Variants in NRG1 observed in about 807,000 individuals in gnomAD.
NRG1 encodes neuregulin 1, also known as pro-neuregulin-1, membrane-bound isoform.
Under a neutral mutation model 63.8 loss-of-function variants are expected in NRG1, and 18 were observed. The ratio of observed to expected loss-of-function variants is 0.28; its 90% CI spans 0.19 to 0.42. The LOEUF (loss-of-function observed/expected upper bound fraction) is 0.42. Among genes scored for constraint, NRG1 ranks in the 10% least tolerant of loss-of-function variants. NRG1 has a pLI of 1.00. For synonymous variants in NRG1, 302 were observed against 301.3 expected (o/e 1.00, Z -0.02); for missense variants, 762 against 814.7 (o/e 0.94, Z 0.79).
intron 1 of NRG1, among the ~76,000 whole-genome samples, chr8:32,111,205 C>T (rs1323606881): frequency 6.6e-6 from 1 of 152,116 alleles, no homozygotes; most frequent in African/African-American, 2.4e-5. Flanking sequence ...CAACCTCTGC[C>T]TCCCGGGTTC....
chr8:31,940,358 A>G (rs942881130), intron 1 of NRG1, among the ~76,000 whole-genome samples: 9 of 152,170 alleles, frequency 5.9e-5, no homozygotes, highest in Admixed American at 5.2e-4. Flanking sequence ...CTGAGTGATA[A>G]TAGTGACACA....
At chr8:31,827,904 G>A (rs1459416148) in intron 1 of NRG1, among the ~76,000 whole-genome samples, 2 of 152,170 alleles carry the variant, frequency 1.3e-5, no homozygotes, top group African/African-American at 4.8e-5. Context: ...ATATTCATAG[G>A]ATCTAGCCAG....
chr8:31,806,198 A>G (rs1822268443), intron 1 of NRG1, among the ~76,000 whole-genome samples: 1 of 152,196 alleles, frequency 6.6e-6, no homozygotes, highest in Non-Finnish European at 1.5e-5. Context: ...GGTAGAACAC[A>G]TGCTATCAAC....
At chr8:31,979,020 G>C (rs1433080239) in intron 1 of NRG1, among the ~76,000 whole-genome samples, 4 of 152,138 alleles carry the variant, frequency 2.6e-5, no homozygotes, top group Non-Finnish European at 2.9e-5. Flanking sequence ...ATGTGATAAA[G>C]TCAGAACTCA....
In NRG1 at chr8:32,361,802, T is replaced by C. The variant is rs570185290; in HGVS notation, c.38-234026T>C. On this transcript the variant is annotated intron_variant, in intron 1 of 10. Coordinates refer to the NRG1 transcript ENST00000519301. ...ATCTTAACATGGCCACCCAGGCGCATGTGGCCTCAGTAATACACAGTTTTT... is the reference window on the plus strand; with the variant it reads ...ATCTTAACATGGCCACCCAGGCGCACGTGGCCTCAGTAATACACAGTTTTT... 2.1e-4 allele frequency among the ~76,000 whole-genome samples: 32 copies of C among 152,338 alleles called. No individual in the cohort carries two copies. The South Asian group carries it at 2.7e-3, about 13-fold the overall frequency.
At chr8:32,060,516 A>G (rs1004521459) in intron 1 of NRG1, among the ~76,000 whole-genome samples, 1 of 151,840 alleles carries the variant, frequency 6.6e-6, no homozygotes, top group Non-Finnish European at 1.5e-5. Flanking sequence ...AGAACAAACA[A>G]TAATTTTTGT....
intron 1 of NRG1, among the ~76,000 whole-genome samples, chr8:31,678,880 T>C (rs1808022061): frequency 6.6e-6 from 1 of 151,230 alleles, no homozygotes; most frequent in African/African-American, 2.4e-5. Flanking sequence ...GTAGTACTGG[T>C]GGTTATAATG....
chr8:32,068,480 G>A (rs1825236531), intron 1 of NRG1, among the ~76,000 whole-genome samples: 2 of 152,124 alleles, frequency 1.3e-5, no homozygotes, highest in Admixed American at 1.3e-4. Flanking sequence ...AAGGCCACGG[G>A]GCTGTTTCTG....
chr8:31,706,872 A>T (rs976183323), intron 1 of NRG1, among the ~76,000 whole-genome samples: 4 of 152,084 alleles, frequency 2.6e-5, no homozygotes, highest in Non-Finnish European at 4.4e-5. Context: ...TCAACATTCA[A>T]ATATTTTATT....
At chr8:32,104,243 G>T (rs1342870518) in intron 1 of NRG1, among the ~76,000 whole-genome samples, 3 of 152,170 alleles carry the variant, frequency 2.0e-5, no homozygotes, top group Admixed American at 6.6e-5. Context: ...GTAGGCAATT[G>T]TTAATACAGT....
chr8:32,377,924 C>T (rs1033533522), intron 1 of NRG1, among the ~76,000 whole-genome samples: 2 of 152,138 alleles, frequency 1.3e-5, no homozygotes, highest in Non-Finnish European at 2.9e-5. Flanking sequence ...CTAGAACAAA[C>T]TCCCAGTAAA....
At position 32,468,810 on chromosome 8, in the gene NRG1, A is replaced by G. The variant is rs200003306; in HGVS notation, c.38-127018A>G. 5.3e-5 allele frequency among the ~76,000 whole-genome samples: 8 copies of G among 150,766 alleles called. No individual in the cohort carries two copies. The East Asian group carries it at 1.6e-3, about 29-fold the overall frequency. ...TACTAATGTTACACCATCAATATCT[A>G]TTTTTAGCCACTTCGGTTTTGGAAG... On this transcript the variant is annotated intron_variant, in intron 1 of 10. Coordinates refer to the NRG1 transcript ENST00000519301.
intron 6 of NRG1, among the ~76,000 whole-genome samples, chr8:32,732,724 G>A (rs1418315931): frequency 6.8e-6 from 1 of 147,514 alleles, no homozygotes; most frequent in Non-Finnish European, 1.5e-5. Context: ...GTAAATGGTA[G>A]TATTACATTC....
chr8:32,237,202 A>T (rs1445547735), intron 1 of NRG1, among the ~76,000 whole-genome samples: 1 of 152,170 alleles, frequency 6.6e-6, no homozygotes, highest in Non-Finnish European at 1.5e-5. Flanking sequence ...TCTGAATATT[A>T]ACTCAGTGTA....
At chr8:31,930,138 G>A (rs768054165) in intron 1 of NRG1, among the ~76,000 whole-genome samples, 8 of 150,526 alleles carry the variant, frequency 5.3e-5, no homozygotes, top group Non-Finnish European at 8.8e-5. Context: ...TTTTGAGTAT[G>A]ATTAGTGACA....
At chr8:31,910,274 G>A (rs1832835325) in intron 1 of NRG1, among the ~76,000 whole-genome samples, 2 of 152,286 alleles carry the variant, frequency 1.3e-5, no homozygotes, top group South Asian at 2.1e-4. Context: ...CCAGAGTGTA[G>A]ATTGAGACAG....
chr8:31,890,303 A>G (rs1831048392), intron 1 of NRG1, among the ~76,000 whole-genome samples: 1 of 152,244 alleles, frequency 6.6e-6, no homozygotes, highest in Non-Finnish European at 1.5e-5. Flanking sequence ...GAAGAATTAC[A>G]GTCTCTAAAA....
chr8:31,920,082 G>A (rs1315705443), intron 1 of NRG1, among the ~76,000 whole-genome samples: 1 of 152,018 alleles, frequency 6.6e-6, no homozygotes, highest in East Asian at 1.9e-4. Context: ...ATAGGGCTTT[G>A]TTACAGCTAA....
At chr8:32,671,014 C>G (rs1346864902) in intron 5 of NRG1, among the ~76,000 whole-genome samples, 2 of 152,036 alleles carry the variant, frequency 1.3e-5, no homozygotes, top group East Asian at 3.9e-4. Context: ...CTGTTAGCCC[C>G]AGGAATTGAG....
Sources: gnomAD v4.1 joint callset for allele counts (sites outside exome capture counted in the v4.1 genomes callset) on GRCh38, gnomAD v4.1.1 for gene constraint, MANE v1.5 for transcripts, NCBI Gene and HGNC (gene_info 2026-07-23, HGNC 2026-07-21) for gene names.